SLC12A1: variants seen among roughly 807,000 people sequenced by gnomAD.
The protein encoded by SLC12A1 is Na-K-2Cl cotransporter.
SLC12A1 carries 89 observed loss-of-function variants against 130.4 expected under a neutral mutation model. The observed-to-expected ratio is 0.68, with a 90% CI of 0.58 to 0.81. The LOEUF (loss-of-function observed/expected upper bound fraction) is 0.81. Ranked by LOEUF, SLC12A1 falls within the 40% of genes least tolerant of loss-of-function variation. SLC12A1 has a pLI of 0.00. For missense variants in SLC12A1, 1,310 were observed against 1,336.4 expected (o/e 0.98, Z 0.31); for synonymous variants, 499 against 460.0 (o/e 1.08, Z -1.09).
At position 48,226,515 on chromosome 15, in the gene SLC12A1, C is replaced by T. The variant is rs755711085; in HGVS notation, c.668C>T (p.Thr223Ile). The change falls in exon 5 of 27, where the codon ACT becomes ATT. Residue 223 changes from threonine (T) to isoleucine (I), a missense_variant. By Grantham distance (89) the Thr-to-Ile change is moderately conservative. Coordinates refer to ENST00000380993, the MANE Select transcript of SLC12A1 (RefSeq NM_000338.3). ...ATAATTCTTCTTTCCACCATGGTAA[C>T]TTCTATTACTGGGTTGTCAACTTCT... ...VLIILLSTMV[T>I]SITGLSTSAI... 8 of 1,607,430 alleles carry T rather than the reference C, an allele frequency of 5.0e-6. No individual in the cohort carries two copies. In the South Asian group the frequency reaches 7.8e-5, roughly 16 times the overall value.
chr15:48,261,625 C>A (rs2041776077), intron 17 of SLC12A1, among the ~76,000 whole-genome samples: 1 of 152,030 alleles, frequency 6.6e-6, no homozygotes, highest in African/African-American at 2.4e-5. Context: ...ATCATCTTTG[C>A]AAAGAAACAG....
intron 2 of SLC12A1, among the ~76,000 whole-genome samples, chr15:48,220,339 G>A (rs1197831485): frequency 6.6e-6 from 1 of 151,870 alleles, no homozygotes; most frequent in Non-Finnish European, 1.5e-5. Flanking sequence ...TCTCTTATGT[G>A]CTAAACTTAT....
rs1323130808 is a variant in SLC12A1, at chr15:48,294,962, T to C, written c.2960+3098T>C. ...GTCTCACTCTGTCGTCTAGGCTAGG[T>C]TGCAGGTGGTACAATCATAGCTCAT... On this transcript the variant is annotated intron_variant, in intron 24 of 26. Coordinates refer to ENST00000380993, the MANE Select transcript of SLC12A1 (RefSeq NM_000338.3). 4.7e-5 allele frequency among the ~76,000 whole-genome samples: 7 copies of C among 148,632 alleles called. No individual in the cohort carries two copies. The East Asian group carries it at 1.2e-3, about 25-fold the overall frequency.
In SLC12A1 at chr15:48,257,315, G is replaced by A. The variant is rs1190064244; in HGVS notation, c.2042+1405G>A. ...CAGGTGCACAGTGCAAACTGTCGGT[G>A]GATCTACCATTCTGGGGTCTAGAGG... On this transcript the variant is annotated intron_variant, in intron 16 of 26. Coordinates refer to ENST00000380993, the MANE Select transcript of SLC12A1 (RefSeq NM_000338.3). Among the ~76,000 whole-genome samples the A allele has an allele frequency of 4.6e-5, 7 of 152,280 alleles. No homozygotes were observed. The East Asian group carries it at 9.7e-4, about 21-fold the overall frequency.
In SLC12A1 at chr15:48,241,610, C is replaced by G. The variant is rs757043174; in HGVS notation, c.1300+11C>G. The G allele has an allele frequency of 1.3e-6, 2 of 1,590,176 alleles. No homozygotes were observed. The highest frequency in any genetic ancestry group is 1.7e-6 in the Non-Finnish European group (2 of 1,158,480). On this transcript the variant is annotated intron_variant, in intron 10 of 26. Transcript: ENST00000380993. ...TTGCAATTTGTGTAGGTAAGTGGTA[C>G]GTCTCCAGTGTCAGAATGTCAGAAT...
At chr15:48,260,341 C>A (rs894501103) in intron 17 of SLC12A1, among the ~76,000 whole-genome samples, 5 of 84,286 alleles carry the variant, frequency 5.9e-5, no homozygotes, top group African/African-American at 1.9e-4. Context: ...CTCTCTCTCT[C>A]TCTCTATCAC....
intron 10 of SLC12A1, among the ~76,000 whole-genome samples, chr15:48,242,582 T>G (rs760287523): frequency 2.2e-4 from 34 of 152,142 alleles, no homozygotes; most frequent in Non-Finnish European, 4.4e-4. Context: ...GCCAGAGGAT[T>G]GCTTAAGCCC....
chr15:48,269,912 G>T, intron 19 of SLC12A1, 148 bp downstream of exon 19: 3 of 445,280 alleles, frequency 6.7e-6, no homozygotes, highest in Non-Finnish European at 4.0e-6. Flanking sequence ...TTTCCAAGGT[G>T]AAAAAAACAC....
chr15:48,279,313 G>C (rs2041987050), intron 20 of SLC12A1, among the ~76,000 whole-genome samples: 1 of 152,094 alleles, frequency 6.6e-6, no homozygotes, highest in South Asian at 2.1e-4. Flanking sequence ...CTATGTTAAT[G>C]ATTGTCATCA....
chr15:48,255,056 A>T (rs2041690416), intron 15 of SLC12A1, among the ~76,000 whole-genome samples: 1 of 152,234 alleles, frequency 6.6e-6, no homozygotes, highest in Non-Finnish European at 1.5e-5. Context: ...CCCTCTTCAT[A>T]GAATTCCCAT....
chr15:48,261,093 G>A (rs2041769463), intron 17 of SLC12A1, among the ~76,000 whole-genome samples: 2 of 152,090 alleles, frequency 1.3e-5, no homozygotes, highest in Non-Finnish European at 2.9e-5. Context: ...TGGTGCCCTG[G>A]ATTGGTGGAT....
Position 48,208,108 on chromosome 15 carries a change from G to A in SLC12A1, c.389G>A (p.Ser130Asn). The A allele has an allele frequency of 1.3e-6, 2 of 1,598,912 alleles. No individual in the cohort carries two copies. Among genetic ancestry groups the A allele is most frequent in the Non-Finnish European group, 1.7e-6 (2 of 1,171,244 alleles). The change falls in exon 2 of 27, where the codon AGC becomes AAC. Residue 130 changes from serine (S) to asparagine (N), a missense_variant. Coordinates refer to ENST00000380993, the MANE Select transcript of SLC12A1 (RefSeq NM_000338.3). ...SISGPKVNRP[S>N]LLEIHEQLAK... ...AGTGGGCCCAAGGTCAACCGACCCA[G>A]CCTGCTTGAGATTCACGAGCAACTC...
At chr15:48,275,227 G>T (rs2041939373) in intron 20 of SLC12A1, among the ~76,000 whole-genome samples, 1 of 152,104 alleles carries the variant, frequency 6.6e-6, no homozygotes, top group South Asian at 2.1e-4. Context: ...AGAACATATT[G>T]ATATACTTAC....
At chr15:48,246,742 T>C (rs930062039) in intron 11 of SLC12A1, among the ~76,000 whole-genome samples, 167 bp from the exon 12 acceptor site, 1 of 152,098 alleles carries the variant, frequency 6.6e-6, no homozygotes, top group Non-Finnish European at 1.5e-5. Flanking sequence ...ATCGTGCCAC[T>C]GCACTCCAGC....
intron 24 of SLC12A1, among the ~76,000 whole-genome samples, chr15:48,297,972 C>A (rs563399688): frequency 9.8e-5 from 15 of 152,336 alleles, no homozygotes; most frequent in African/African-American, 3.4e-4. Flanking sequence ...CTTTCCCTGT[C>A]TTTGCCTACC....
intron 25 of SLC12A1, among the ~76,000 whole-genome samples, 176 bp from the exon 26 acceptor site, chr15:48,301,139 T>C (rs535303471): frequency 2.0e-5 from 3 of 152,378 alleles, no homozygotes; most frequent in South Asian, 2.1e-4. Context: ...TCTTTATATT[T>C]CTAAAATTTC....
At chr15:48,291,682 C>T (rs1292529199) in intron 23 of SLC12A1, 96 bp from the exon 24 acceptor site, 11 of 755,054 alleles carry the variant, frequency 1.5e-5, no homozygotes, top group African/African-American at 8.8e-5. Flanking sequence ...TGAAATAAGA[C>T]GTGATTGCTT....
Position 48,301,318 on chromosome 15 carries a change from T to C in SLC12A1, c.3100T>C (p.Tyr1034His), listed in dbSNP as rs1420885328. The C allele has an allele frequency of 1.9e-6, 3 of 1,598,814 alleles. No individual in the cohort carries two copies. The African/African-American group carries it at 4.0e-5, about 21-fold the overall frequency. Reference sequence around the variant, plus strand: ...CAAATCTGAATGTTGCCCACAGAGTTACCGCCAAGTTCGACTGAATGAACT... The same window carrying C: ...CAAATCTGAATGTTGCCCACAGAGTCACCGCCAAGTTCGACTGAATGAACT... Reference protein sequence around the residue: ...AELEAVKEKSYRQVRLNELLQ... With the variant: ...AELEAVKEKSHRQVRLNELLQ... The change falls in exon 26 of 27, where the codon TAC (tyrosine) becomes CAC (histidine). Residue 1034 changes from tyrosine to histidine, a missense_variant. Physicochemically the swap from Tyr to His is moderately conservative, Grantham distance 83. Coordinates refer to ENST00000380993, the MANE Select transcript of SLC12A1 (RefSeq NM_000338.3).
intron 13 of SLC12A1, among the ~76,000 whole-genome samples, chr15:48,248,510 C>A (rs535887361): frequency 2.8e-4 from 42 of 152,296 alleles, no homozygotes; most frequent in African/African-American, 7.5e-4. Flanking sequence ...TTGGCTCCAC[C>A]CATAAGCTTC....
Sources: gnomAD v4.1 joint callset for allele counts (sites outside exome capture counted in the v4.1 genomes callset) on GRCh38, gnomAD v4.1.1 for gene constraint, MANE v1.5 for transcripts, NCBI Gene and HGNC (gene_info 2026-07-23, HGNC 2026-07-21) for gene names.